UBE2G1: variants seen among roughly 807,000 people sequenced by gnomAD.
UBE2G1 encodes the protein ubiquitin conjugating enzyme E2 G1.
In UBE2G1, 5 loss-of-function variants were observed where a neutral mutation model predicts 22.7. The ratio of observed to expected loss-of-function variants is 0.22; its 90% CI spans 0.12 to 0.46. The LOEUF (loss-of-function observed/expected upper bound fraction) is 0.46. UBE2G1 is among the 20% of genes least tolerant of loss of function. The pLI is 0.99. For missense variants in UBE2G1, 88 were observed against 203.9 expected (o/e 0.43, Z 3.46); for synonymous variants, 74 against 67.5 (o/e 1.10, Z -0.47).
At chr17:4,317,385 C>T (rs1164318413) in intron 1 of UBE2G1, among the ~76,000 whole-genome samples, 1 of 152,006 alleles carries the variant, frequency 6.6e-6, no homozygotes, top group Non-Finnish European at 1.5e-5. Context: ...GACATGGTGG[C>T]ATGTGCCTAT....
intron 1 of UBE2G1, among the ~76,000 whole-genome samples, chr17:4,322,474 C>G (rs1039227247): frequency 1.3e-5 from 2 of 152,196 alleles, no homozygotes; most frequent in Admixed American, 1.3e-4. Flanking sequence ...TGTGCTTCTT[C>G]TCCTTATAAT....
chr17:4,353,812 ATT>A (rs11437680), intron 1 of UBE2G1, among the ~76,000 whole-genome samples: 19 of 104,818 alleles, frequency 1.8e-4, no homozygotes, highest in Admixed American at 2.2e-4. Flanking sequence ...GCCCGGTCAA[ATT>A]TTTTTTTTTT....
At chr17:4,296,900 G>A in intron 2 of UBE2G1, 86 bp from the exon 3 acceptor site, 2 of 1,153,188 alleles carry the variant, frequency 1.7e-6, no homozygotes, top group Non-Finnish European at 1.3e-6. Flanking sequence ...AAACAAGGGT[G>A]CTAGCACTAA....
intron 1 of UBE2G1, among the ~76,000 whole-genome samples, chr17:4,349,723 G>A (rs1969821174): frequency 6.6e-6 from 1 of 151,542 alleles, no homozygotes; most frequent in Non-Finnish European, 1.5e-5. Flanking sequence ...TGCACCAGTA[G>A]TCCCAGCTAC....
intron 2 of UBE2G1, among the ~76,000 whole-genome samples, chr17:4,297,448 T>C (rs988068699): frequency 6.6e-6 from 1 of 152,194 alleles, no homozygotes; most frequent in Non-Finnish European, 1.5e-5. Flanking sequence ...TGTCCAATAA[T>C]GTAGCCACCA....
intron 1 of UBE2G1, among the ~76,000 whole-genome samples, chr17:4,337,042 T>C (rs900674670): frequency 6.6e-6 from 1 of 152,190 alleles, no homozygotes; most frequent in Non-Finnish European, 1.5e-5. Flanking sequence ...GACATTTATG[T>C]ACTCTCTCTC....
chr17:4,303,393 A>AT (rs909059737), intron 2 of UBE2G1, among the ~76,000 whole-genome samples: 36 of 151,266 alleles, frequency 2.4e-4, no homozygotes, highest in Admixed American at 5.3e-4. Context: ...GGAAAAAATA[A>AT]TTTTTTTTTT....
At chr17:4,307,415 A>G (rs1263757963) in intron 1 of UBE2G1, among the ~76,000 whole-genome samples, 1 of 152,160 alleles carries the variant, frequency 6.6e-6, no homozygotes, top group East Asian at 1.9e-4. Flanking sequence ...TAAAATGCAG[A>G]TATCCAGGCC....
intron 1 of UBE2G1, among the ~76,000 whole-genome samples, chr17:4,311,345 AC>A (rs1969307861): frequency 6.6e-6 from 1 of 152,226 alleles, no homozygotes; most frequent in Admixed American, 6.5e-5. Flanking sequence ...ATCTGTCCAC[AC>A]AGCAAGTTGT....
chr17:4,273,051 A>G (rs1474920537), intron 5 of UBE2G1, among the ~76,000 whole-genome samples: 1 of 152,174 alleles, frequency 6.6e-6, no homozygotes, highest in Non-Finnish European at 1.5e-5. Context: ...TTTTCTCCAC[A>G]AAGCCTGCCA....
chr17:4,327,150 C>A (rs990076856), intron 1 of UBE2G1, among the ~76,000 whole-genome samples: 194 of 151,930 alleles, frequency 1.3e-3, no homozygotes, highest in African/African-American at 4.5e-3. Flanking sequence ...ACAAAATTAG[C>A]CAGGCATGGT....
intron 3 of UBE2G1, among the ~76,000 whole-genome samples, chr17:4,295,698 CAG>C (rs995746217): frequency 2.6e-5 from 4 of 151,844 alleles, no homozygotes; most frequent in African/African-American, 7.3e-5. Context: ...GCCAAAAGTT[CAG>C]AGAGACTGTT....
At chr17:4,362,679 T>C (rs1047016280) in intron 1 of UBE2G1, among the ~76,000 whole-genome samples, 2 of 152,224 alleles carry the variant, frequency 1.3e-5, no homozygotes, top group African/African-American at 4.8e-5. Context: ...TAGCCATTGT[T>C]GTTTTAAGTT....
intron 4 of UBE2G1, among the ~76,000 whole-genome samples, chr17:4,284,929 A>T (rs1413513957): frequency 1.4e-5 from 2 of 142,670 alleles, no homozygotes; most frequent in Non-Finnish European, 3.0e-5. Context: ...TGCAGGCTTG[A>T]ACACCTGGGC....
chr17:4,305,168 T>C (rs1969235121), intron 2 of UBE2G1, among the ~76,000 whole-genome samples: 1 of 152,176 alleles, frequency 6.6e-6, no homozygotes, highest in Non-Finnish European at 1.5e-5. Flanking sequence ...TTGGTCAGGC[T>C]GGTCTCCAAC....
At chr17:4,357,028 G>A (rs551324428) in intron 1 of UBE2G1, among the ~76,000 whole-genome samples, 5 of 152,124 alleles carry the variant, frequency 3.3e-5, no homozygotes, top group African/African-American at 7.2e-5. Flanking sequence ...CCAAGAAATC[G>A]ACAGTGGTGC....
chr17:4,328,949 A>G (rs2143773518), intron 1 of UBE2G1, among the ~76,000 whole-genome samples: 1 of 151,864 alleles, frequency 6.6e-6, no homozygotes, highest in African/African-American at 2.4e-5. Flanking sequence ...AGCCAAGGAT[A>G]CAAAAAATTA....
At chr17:4,284,813 CT>C (rs60822596) in intron 4 of UBE2G1, among the ~76,000 whole-genome samples, 115,639 of 121,792 alleles carry the variant, frequency 0.95, 55,237 homozygotes, top group South Asian at 1. Context: ...ATTTCTTTTT[CT>C]TTTTCTTTTC....
At chr17:4,327,873 C>T (rs535118589) in intron 1 of UBE2G1, among the ~76,000 whole-genome samples, 3 of 152,242 alleles carry the variant, frequency 2.0e-5, no homozygotes, top group East Asian at 3.9e-4. Flanking sequence ...CAGCCACACC[C>T]GCCAAATAAA....
Sources: allele counts gnomAD v4.1 joint callset (sites outside exome capture counted in the v4.1 genomes callset), GRCh38; gene constraint gnomAD v4.1.1; transcripts MANE v1.5; gene names NCBI Gene and HGNC (gene_info 2026-07-23, HGNC 2026-07-21).